Variants in DLGAP2 observed in about 807,000 individuals in gnomAD.
The protein encoded by DLGAP2 is DLG associated protein 2.
A neutral mutation model predicts 100.3 loss-of-function variants in DLGAP2; 26 were observed. That is an observed-to-expected ratio of 0.26 (90% confidence interval 0.19 to 0.36). DLGAP2 has a LOEUF of 0.36. Among genes scored for constraint, DLGAP2 ranks in the 10% least tolerant of loss-of-function variants. DLGAP2 has a pLI of 1.00. For missense variants in DLGAP2, 1,858 were observed against 1,453.2 expected, an observed-to-expected ratio of 1.28 and a Z score of -4.53; for synonymous variants, 886 against 630.1, an observed-to-expected ratio of 1.41 and a Z score of -6.08.
chr8:994,876 G>A (rs1309013380), intron 2 of DLGAP2, among the ~76,000 whole-genome samples: 1 of 152,198 alleles, frequency 6.6e-6, no homozygotes, highest in Non-Finnish European at 1.5e-5. Flanking sequence ...TTACACTTGA[G>A]TGCATTTTGC....
At chr8:1,022,146 C>T (rs1392166888) in intron 2 of DLGAP2, among the ~76,000 whole-genome samples, 1 of 152,182 alleles carries the variant, frequency 6.6e-6, no homozygotes, top group Non-Finnish European at 1.5e-5. Flanking sequence ...GCCACACACC[C>T]ATCCTCCCTG....
chr8:949,426 G>A (rs1357886900), intron 2 of DLGAP2, among the ~76,000 whole-genome samples: 1 of 152,030 alleles, frequency 6.6e-6, no homozygotes, highest in Non-Finnish European at 1.5e-5. Context: ...TGCGGATCCA[G>A]GAGAGAGGAT....
rs1441505962 is a variant in DLGAP2 at position 1,595,961 on chromosome 8, T to C, written c.1442+30067T>C. Among the ~76,000 whole-genome samples the C allele has an allele frequency of 2.0e-5, 3 of 152,126 alleles. No individual in the cohort carries two copies. The East Asian group carries it at 5.8e-4, about 29-fold the overall frequency. On this transcript the variant is annotated intron_variant, in intron 6 of 14. Coordinates refer to ENST00000637795, the MANE Select transcript of DLGAP2 (RefSeq NM_001346810.2). Reference sequence around the variant, plus strand: ...TATGTATACATGTGCCATGTTGGTGTGCTGTACCCATTAACTCGTCATTTA... The same window carrying C: ...TATGTATACATGTGCCATGTTGGTGCGCTGTACCCATTAACTCGTCATTTA...
chr8:1,342,427 T>G (rs920369579), intron 3 of DLGAP2, among the ~76,000 whole-genome samples: 1 of 152,198 alleles, frequency 6.6e-6, no homozygotes, highest in Non-Finnish European at 1.5e-5. Flanking sequence ...GTGTACATAG[T>G]GTTGACCCAC....
chr8:1,585,449 C>T (rs1007050943), intron 6 of DLGAP2, among the ~76,000 whole-genome samples: 1 of 151,984 alleles, frequency 6.6e-6, no homozygotes, highest in East Asian at 1.9e-4. Flanking sequence ...GGGCAAAAGA[C>T]CGAAAAAGAA....
At chr8:1,510,372 A>C (rs1307289778) in intron 4 of DLGAP2, among the ~76,000 whole-genome samples, 1 of 152,076 alleles carries the variant, frequency 6.6e-6, no homozygotes, top group African/African-American at 2.4e-5. Context: ...TTCCAGAGGA[A>C]CTCTGCAGTG....
At chr8:761,945 AG>A (rs1355276255) in intron 1 of DLGAP2, among the ~76,000 whole-genome samples, 7 of 152,210 alleles carry the variant, frequency 4.6e-5, no homozygotes, top group African/African-American at 1.7e-4. Context: ...CTTCTGAAGC[AG>A]GAGATTTTCG....
intron 6 of DLGAP2, chr8:1,619,862 A>T (rs1797271263): frequency 6.6e-6 from 1 of 152,202 alleles, no homozygotes. Context: ...TGTGCATACA[A>T]ACTGCCTTCT....
At position 1,632,338 on chromosome 8, in the gene DLGAP2, A is replaced by G. The variant is rs576681924; in HGVS notation, c.1591-489A>G. On this transcript the variant is annotated intron_variant, in intron 7 of 14. Coordinates refer to ENST00000637795, the MANE Select transcript of DLGAP2 (RefSeq NM_001346810.2). ...ATGAGTTGCCATGGCAATGGGTAGA[A>G]GCAGACTCCATATTCTGAAAAAGAA... Among the ~76,000 whole-genome samples, 3 of 152,342 alleles carry G rather than the reference A, an allele frequency of 2.0e-5. No individual in the cohort carries two copies. In the South Asian group the frequency reaches 6.2e-4, roughly 32 times the overall value.
intron 1 of DLGAP2, among the ~76,000 whole-genome samples, chr8:747,280 C>T (rs1191562417): frequency 6.6e-6 from 1 of 152,026 alleles, no homozygotes; most frequent in Admixed American, 6.5e-5. Context: ...AAAAAGACTG[C>T]AAGATATCAT....
At chr8:1,257,567 C>G (rs1466951879) in intron 2 of DLGAP2, among the ~76,000 whole-genome samples, 1 of 152,064 alleles carries the variant, frequency 6.6e-6, no homozygotes, top group Non-Finnish European at 1.5e-5. Flanking sequence ...CTTCAAGGTT[C>G]AGGCCAGATG....
chr8:1,370,519 T>C (rs1038594749), intron 3 of DLGAP2, among the ~76,000 whole-genome samples: 3 of 152,224 alleles, frequency 2.0e-5, no homozygotes, highest in African/African-American at 7.2e-5. Flanking sequence ...AAGTAACAAG[T>C]CACATTTCTT....
chr8:1,685,165 G>A (rs143020647), intron 12 of DLGAP2, among the ~76,000 whole-genome samples: 9 of 152,256 alleles, frequency 5.9e-5, no homozygotes, highest in South Asian at 4.1e-4. Context: ...GAAGCACCCC[G>A]GCAGTTGGCA....
chr8:1,504,332 A>G (rs975860733), intron 4 of DLGAP2, among the ~76,000 whole-genome samples: 1 of 152,186 alleles, frequency 6.6e-6, no homozygotes, highest in Non-Finnish European at 1.5e-5. Context: ...TGATACAGGT[A>G]TACGTTGTGA....
At chr8:1,073,769 C>G (rs1803505673) in intron 2 of DLGAP2, among the ~76,000 whole-genome samples, 1 of 152,248 alleles carries the variant, frequency 6.6e-6, no homozygotes, top group African/African-American at 2.4e-5. Flanking sequence ...ATCCTGAGAA[C>G]TGCCGTTCCT....
At chr8:933,397 G>A (rs928375552) in intron 2 of DLGAP2, among the ~76,000 whole-genome samples, 9 of 150,462 alleles carry the variant, frequency 6.0e-5, no homozygotes, top group Admixed American at 5.3e-4. Context: ...CTGGCTGTGG[G>A]CACGAGGGTG....
Position 1,247,422 on chromosome 8 carries a change from TG to T in DLGAP2, c.74-11427del, listed in dbSNP as rs1242819391. On this transcript the variant is annotated intron_variant, in intron 2 of 14. Transcript: ENST00000637795. ...ACCTTTGAGATCAGTGTGGGAGTAA[TG>T]GCCCATGTTGGTGGCCGGCAAGACC... Among the ~76,000 whole-genome samples the T allele has an allele frequency of 1.1e-4, 14 of 127,712 alleles. 1 individual carries two copies. Among genetic ancestry groups the T allele is most frequent in the Non-Finnish European group, 2.1e-4 (13 of 61,578 alleles). The allele number at this position is 127,712 out of a possible 152,430, so 83.8% of individuals were successfully genotyped here.
intron 3 of DLGAP2, among the ~76,000 whole-genome samples, chr8:1,451,598 A>C (rs866566497): frequency 1.3e-5 from 2 of 151,848 alleles, no homozygotes; most frequent in South Asian, 4.2e-4. Context: ...CGCCTCCATC[A>C]CATGTCCCCT....
intron 5 of DLGAP2, among the ~76,000 whole-genome samples, chr8:1,551,369 C>A (rs1280143878): frequency 6.6e-6 from 1 of 152,110 alleles, no homozygotes; most frequent in Non-Finnish European, 1.5e-5. Context: ...AGTCAGTGTT[C>A]CCTGAATGAG....
Sources: allele counts gnomAD v4.1 joint callset (sites outside exome capture counted in the v4.1 genomes callset), GRCh38; gene constraint gnomAD v4.1.1; transcripts MANE v1.5; gene names NCBI Gene and HGNC (gene_info 2026-07-23, HGNC 2026-07-21).